Variants in HELZ observed in about 807,000 individuals in gnomAD.
HELZ encodes ATP-dependent RNA helicase with zinc finger domain.
In HELZ, 23 loss-of-function variants were observed where a neutral mutation model predicts 218.2. The ratio of observed to expected loss-of-function variants is 0.11; its 90% confidence interval spans 0.08 to 0.15. HELZ has a LOEUF of 0.15. HELZ is among the 10% of genes least tolerant of loss of function. The probability of loss-of-function intolerance (pLI) is 1.00; values close to 1 mark genes in which losing one functional copy is unlikely to be tolerated. For missense variants in HELZ, 1,813 were observed against 2,353.7 expected, an observed-to-expected ratio of 0.77 and a Z score of 4.75; for synonymous variants, 814 against 829.4, an observed-to-expected ratio of 0.98 and a Z score of 0.32.
At chr17:67,224,120 T>C (rs1405226959) in intron 3 of HELZ, among the ~76,000 whole-genome samples, 2 of 152,064 alleles carry the variant, frequency 1.3e-5, no homozygotes, top group African/African-American at 4.8e-5. Context: ...AACTGGCCAA[T>C]CCGAGCCTCA....
intron 17 of HELZ, among the ~76,000 whole-genome samples, chr17:67,154,311 C>A (rs2038775526): frequency 6.6e-6 from 1 of 152,128 alleles, no homozygotes; most frequent in African/African-American, 2.4e-5. Context: ...CACCTGTAGT[C>A]CCAGCTACTT....
chr17:67,093,920 TC>T (rs1263337475), intron 31 of HELZ, among the ~76,000 whole-genome samples: 1 of 152,228 alleles, frequency 6.6e-6, no homozygotes, highest in Non-Finnish European at 1.5e-5. Flanking sequence ...TTATCTTAGT[TC>T]CCAAAACTAT....
At position 67,109,133 on chromosome 17, in the gene HELZ, G is replaced by A. The variant is rs747151885; in HGVS notation, c.4472C>T (p.Pro1491Leu). The A allele has an allele frequency of 6.2e-7, 1 of 1,612,058 alleles. No homozygotes were observed. The highest frequency in any genetic ancestry group is 1.7e-5 in the Admixed American group (1 of 59,912). The change falls in exon 29 of 33, where the codon CCT becomes CTT. Residue 1491 changes from proline (P) to leucine (L), a missense_variant. Transcript: ENST00000358691. ...GAACTTACCTAAAGCCTCCCCTATA[G>A]GTAATCCCGAGGGGTTCTCATCAAT... ...SFIDENPSGLPIGEALDRIHG... is the reference protein window; with the variant it reads ...SFIDENPSGLLIGEALDRIHG...
Position 67,077,669 on chromosome 17 carries a change from TC to T in HELZ, c.*582del, listed in dbSNP as rs1373102198. The T allele has an allele frequency of 1.4e-5, 2 of 142,870 alleles. No individual in the cohort carries two copies. Among genetic ancestry groups the T allele is most frequent in the Non-Finnish European group, 3.0e-5 (2 of 66,872 alleles). 8.9% of individuals were successfully genotyped at this position (142,870 alleles called of 1,614,324 possible). A position where few individuals can be genotyped will look rare whatever the true frequency, so the allele number is the denominator to read the frequency against. ...GGTGGATGGAGATTACAACAACACA[TC>T]ATACATAGTCTAAAACTATAAAAGT... On this transcript the variant is annotated 3_prime_UTR_variant, in exon 33 of 33. Coordinates refer to ENST00000358691, the MANE Select transcript of HELZ (RefSeq NM_014877.4).
At chr17:67,093,624 CTCAATTTTAAA>C (rs2036640472) in intron 31 of HELZ, among the ~76,000 whole-genome samples, 2 of 152,120 alleles carry the variant, frequency 1.3e-5, no homozygotes, top group African/African-American at 2.4e-5. Flanking sequence ...GACTGAGGAA[CTCAATTTTAAA>C]TCTTATTTCA....
chr17:67,120,306 G>A, intron 27 of HELZ, 99 bp downstream of exon 27: 1 of 995,724 alleles, frequency 1.0e-6, no homozygotes, highest in South Asian at 1.5e-5. Context: ...TATAATCCAT[G>A]AAAAAGTTAA....
intron 9 of HELZ, among the ~76,000 whole-genome samples, chr17:67,192,269 T>C (rs1458704378): frequency 3.3e-5 from 5 of 151,912 alleles, no homozygotes; most frequent in Admixed American, 2.6e-4. Flanking sequence ...AAAAGAGAGA[T>C]GTTATATTAC....
chr17:67,159,692 T>C lies in HELZ; in HGVS notation c.2177+569A>G, dbSNP rs182241695. Among the ~76,000 whole-genome samples, 16 of 152,298 alleles carry C rather than the reference T, an allele frequency of 1.1e-4. No individual in the cohort carries two copies. The East Asian group carries it at 2.9e-3, about 27-fold the overall frequency. Reference sequence around the variant, plus strand: ...TTTAAGTACATTTCATGTCCATATATACTCAGAGGACCTTTCTATATCAAC... The same window carrying C: ...TTTAAGTACATTTCATGTCCATATACACTCAGAGGACCTTTCTATATCAAC... On this transcript the variant is annotated intron_variant, in intron 17 of 32. Transcript: ENST00000358691.
intron 21 of HELZ, among the ~76,000 whole-genome samples, chr17:67,144,532 G>A (rs780041395): frequency 1.3e-5 from 2 of 150,768 alleles, no homozygotes; most frequent in Non-Finnish European, 2.9e-5. Context: ...CCATGAACCG[G>A]CACCTTATTT....
chr17:67,242,613 G>A (rs550852489), intron 2 of HELZ, among the ~76,000 whole-genome samples: 1 of 150,510 alleles, frequency 6.6e-6, no homozygotes, highest in African/African-American at 2.4e-5. Flanking sequence ...AAATTGGGAG[G>A]TCTAAGGCAG....
In HELZ at chr17:67,107,564, G is replaced by A. The variant is rs954561045; in HGVS notation, c.4846C>T (p.Pro1616Ser). The change falls in exon 31 of 33, where the codon CCA becomes TCA. Residue 1616 changes from proline to serine, a missense_variant. By Grantham distance (74) the Pro-to-Ser change is moderately conservative. Transcript: ENST00000358691. ...QYRQVQSRSP[P>S]AVPSPPSSTD... ...CTGGATGGGGGAGATGGGACTGCTG[G>A]TGGGCTTCTACTCTGTACTTGTCTA... 2 of 1,614,170 alleles carry A rather than the reference G, an allele frequency of 1.2e-6. No individual in the cohort carries two copies. Among genetic ancestry groups the A allele is most frequent in the African/African-American group, 1.3e-5 (1 of 75,042 alleles).
At chr17:67,212,314 C>CAAAAAAAAAAA (rs10692832) in intron 5 of HELZ, among the ~76,000 whole-genome samples, 623 of 21,384 alleles carry the variant, frequency 0.029, 182 homozygotes, top group African/African-American at 0.075. Context: ...GACACCATCT[C>CAAAAAAAAAAA]AAAAAAAAAA....
intron 3 of HELZ, among the ~76,000 whole-genome samples, chr17:67,230,202 C>T (rs1011321601): frequency 1.3e-5 from 2 of 152,092 alleles, no homozygotes; most frequent in South Asian, 4.1e-4. Context: ...TTCTTAGTTT[C>T]AAGAATTCCA....
intron 3 of HELZ, among the ~76,000 whole-genome samples, chr17:67,227,909 C>T (rs2143400169): frequency 6.6e-6 from 1 of 152,244 alleles, no homozygotes; most frequent in Non-Finnish European, 1.5e-5. Flanking sequence ...AGACCAAATC[C>T]TTTGTTAACA....
chr17:67,070,955 T>C lies in HELZ; in HGVS notation c.*7297A>G, dbSNP rs2035871578. 6.6e-6 allele frequency: 1 copy of C among 152,094 alleles called. No individual in the cohort carries two copies. The highest frequency in any genetic ancestry group is 2.4e-5 in the African/African-American group (1 of 41,406). 9.4% of individuals were successfully genotyped at this position (152,094 alleles called of 1,614,324 possible). A position where few individuals can be genotyped will look rare whatever the true frequency, so the allele number is the denominator to read the frequency against. On this transcript the variant is annotated 3_prime_UTR_variant, in exon 33 of 33. Coordinates refer to ENST00000358691, the MANE Select transcript of HELZ (RefSeq NM_014877.4). ...TGATCTATGAAGTTAGCTGAACAAG[T>C]TTAGATAAGAACTATATGTATGAAG...
At chr17:67,095,996 C>A (rs2036732353) in intron 31 of HELZ, among the ~76,000 whole-genome samples, 1 of 152,166 alleles carries the variant, frequency 6.6e-6, no homozygotes, top group African/African-American at 2.4e-5. Context: ...ACTCATTGAT[C>A]CATGGGCTGC....
chr17:67,183,727 CAG>C (rs947630098), intron 12 of HELZ, among the ~76,000 whole-genome samples: 7 of 152,186 alleles, frequency 4.6e-5, no homozygotes, highest in East Asian at 3.9e-4. Flanking sequence ...GTTTTCTAAA[CAG>C]GGGATAACTC....
intron 3 of HELZ, among the ~76,000 whole-genome samples, chr17:67,239,176 T>C (rs2041260497): frequency 6.6e-6 from 1 of 152,176 alleles, no homozygotes; most frequent in African/African-American, 2.4e-5. Context: ...CCCTATGCAG[T>C]TACTCATCTG....
intron 31 of HELZ, among the ~76,000 whole-genome samples, chr17:67,095,182 G>C (rs1284057735): frequency 6.6e-6 from 1 of 152,110 alleles, no homozygotes; most frequent in Non-Finnish European, 1.5e-5. Flanking sequence ...AATGTTCACA[G>C]CATCTTCCCA....
Sources: gnomAD v4.1 joint callset for allele counts (sites outside exome capture counted in the v4.1 genomes callset) on GRCh38, gnomAD v4.1.1 for gene constraint, MANE v1.5 for transcripts, NCBI Gene and HGNC (gene_info 2026-07-23, HGNC 2026-07-21) for gene names.